Variants in ANKRD6 observed in about 807,000 individuals in gnomAD.
ANKRD6 encodes ankyrin repeat domain-containing protein 6.
In ANKRD6, 56 loss-of-function variants were observed where a neutral mutation model predicts 82.3. The observed-to-expected ratio is 0.68, with a 90% CI of 0.55 to 0.85. The LOEUF is 0.85. ANKRD6 is among the 40% of genes least tolerant of loss of function. The pLI is 0.00. For missense variants in ANKRD6, 852 were observed against 907.6 expected (o/e 0.94, Z 0.79); for synonymous variants, 347 against 352.1 (o/e 0.99, Z 0.16).
intron 3 of ANKRD6, among the ~76,000 whole-genome samples, chr6:89,597,445 A>G (rs1796159217): frequency 6.6e-6 from 1 of 152,228 alleles, no homozygotes; most frequent in African/African-American, 2.4e-5. Context: ...GCATAATTAA[A>G]GGCTTTGCTT....
In ANKRD6 at chr6:89,510,382, GT is replaced by G. The variant is rs558675360; in HGVS notation, c.-143-56438del. 8.7e-3 allele frequency among the ~76,000 whole-genome samples: 1,225 copies of G among 141,122 alleles called. 5 individuals carry two copies. Among genetic ancestry groups the G allele is most frequent in the Non-Finnish European group, 9.2e-3 (587 of 63,792 alleles). 92.6% of individuals were successfully genotyped at this position (141,122 alleles called of 152,430 possible). A position where few individuals can be genotyped will look rare whatever the true frequency, so the allele number is the denominator to read the frequency against. ...GGCCACTTAAAAGTCTTTCCAAATA[GT>G]TTTTTTTTTTTTTAGCCTCATTGGG... On this transcript the variant is annotated intron_variant, in intron 1 of 15. Coordinates refer to ENST00000339746, the MANE Select transcript of ANKRD6 (RefSeq NM_001242809.2).
In ANKRD6 at chr6:89,566,876, G is replaced by A. The variant is rs1439813247; in HGVS notation, c.-101G>A. On this transcript the variant is annotated 5_prime_UTR_variant, in exon 2 of 16. In the 5' UTR this introduces an upstream ATG that the reference lacks. Coordinates refer to ENST00000339746, the MANE Select transcript of ANKRD6 (RefSeq NM_001242809.2). ...TTCATAAAGACATCTTCTGATGATTGTGAACATCTTTACCTCTGGGTGCCA... is the reference window on the plus strand; with the variant it reads ...TTCATAAAGACATCTTCTGATGATTATGAACATCTTTACCTCTGGGTGCCA... The A allele has an allele frequency of 6.2e-6, 9 of 1,457,816 alleles. No homozygotes were observed. Among genetic ancestry groups the A allele is most frequent in the Non-Finnish European group, 7.4e-6 (8 of 1,077,358 alleles). 90.3% of individuals were successfully genotyped at this position (1,457,816 alleles called of 1,614,324 possible).
chr6:89,496,011 C>G (rs1456165232), intron 1 of ANKRD6, among the ~76,000 whole-genome samples: 1 of 151,982 alleles, frequency 6.6e-6, no homozygotes, highest in East Asian at 1.9e-4. Flanking sequence ...ATTCCATGGG[C>G]CCCCAAGAAA....
intron 1 of ANKRD6, among the ~76,000 whole-genome samples, chr6:89,461,204 G>A (rs953827062): frequency 3.3e-5 from 5 of 152,116 alleles, no homozygotes; most frequent in Non-Finnish European, 7.4e-5. Context: ...GTGAGCCACC[G>A]CACCTGGCTT....
At position 89,467,939 on chromosome 6, in the gene ANKRD6, C is replaced by T. The variant is rs527383638; in HGVS notation, c.-144+34564C>T. On this transcript the variant is annotated intron_variant, in intron 1 of 15. Coordinates refer to ENST00000339746, the MANE Select transcript of ANKRD6 (RefSeq NM_001242809.2). ...TTTGAAACTGTACTAGGACTTTAAA[C>T]ACTTTTGGAATTTAAAACAGCCATA... Among the ~76,000 whole-genome samples, 13 of 152,286 alleles carry T rather than the reference C, an allele frequency of 8.5e-5. No homozygotes were observed. The South Asian group carries it at 2.3e-3, about 27-fold the overall frequency.
intron 7 of ANKRD6, among the ~76,000 whole-genome samples, chr6:89,616,168 C>T (rs1436973837): frequency 6.6e-6 from 1 of 152,216 alleles, no homozygotes; most frequent in African/African-American, 2.4e-5. Context: ...AGTTTTCTGA[C>T]CTCTGACCTC....
At chr6:89,582,796 T>C (rs1456516381) in intron 2 of ANKRD6, among the ~76,000 whole-genome samples, 1 of 152,222 alleles carries the variant, frequency 6.6e-6, no homozygotes, top group Non-Finnish European at 1.5e-5. Flanking sequence ...CCTTGAGCCT[T>C]CATTTCCTGT....
chr6:89,604,695 G>A (rs954345465), intron 4 of ANKRD6, among the ~76,000 whole-genome samples: 2 of 151,942 alleles, frequency 1.3e-5, no homozygotes, highest in Non-Finnish European at 2.9e-5. Context: ...TTGCATCCCC[G>A]CTTTCCTTTG....
intron 1 of ANKRD6, among the ~76,000 whole-genome samples, chr6:89,463,523 A>T (rs1774462820): frequency 6.6e-6 from 1 of 152,216 alleles, no homozygotes; most frequent in African/African-American, 2.4e-5. Context: ...TTATATTTTA[A>T]CACAGTATTT....
intron 12 of ANKRD6, 129 bp from the exon 13 acceptor site, chr6:89,624,410 G>T: frequency 1.6e-6 from 2 of 1,226,806 alleles, no homozygotes; most frequent in Non-Finnish European, 2.2e-6. Context: ...CCAAAGTTAT[G>T]ACAAGGATGA....
chr6:89,446,944 T>C (rs920024737), intron 1 of ANKRD6, among the ~76,000 whole-genome samples: 3 of 152,178 alleles, frequency 2.0e-5, no homozygotes, highest in Non-Finnish European at 4.4e-5. Context: ...TCTTCTGCCA[T>C]GATTGTGAGT....
chr6:89,454,128 G>A (rs181461033), intron 1 of ANKRD6, among the ~76,000 whole-genome samples: 7 of 152,208 alleles, frequency 4.6e-5, no homozygotes, highest in Non-Finnish European at 8.8e-5. Flanking sequence ...CGAAGTTTTT[G>A]CTGGTGTCAT....
intron 1 of ANKRD6, among the ~76,000 whole-genome samples, chr6:89,445,634 C>T (rs1771976960): frequency 6.6e-6 from 1 of 152,116 alleles, no homozygotes; most frequent in Non-Finnish European, 1.5e-5. Context: ...TTAGTAGAGA[C>T]TGGGTTTCAC....
At chr6:89,516,128 T>G (rs1781182058) in intron 1 of ANKRD6, among the ~76,000 whole-genome samples, 1 of 152,200 alleles carries the variant, frequency 6.6e-6, no homozygotes, top group Admixed American at 6.5e-5. Context: ...AGATACCTGG[T>G]TAAACATTAT....
chr6:89,486,843 C>T (rs990634789), intron 1 of ANKRD6, among the ~76,000 whole-genome samples: 3 of 152,166 alleles, frequency 2.0e-5, no homozygotes, highest in African/African-American at 7.2e-5. Flanking sequence ...AGCAAGCTCT[C>T]TTGTTATCTC....
At chr6:89,578,779 C>T (rs75730083) in intron 2 of ANKRD6, among the ~76,000 whole-genome samples, 9 of 152,290 alleles carry the variant, frequency 5.9e-5, no homozygotes, top group Admixed American at 2.6e-4. Context: ...GTGCTCTTAT[C>T]GCTGAGATAC....
intron 5 of ANKRD6, 59 bp downstream of exon 5, chr6:89,606,164 TC>T: frequency 7.3e-7 from 1 of 1,375,006 alleles, no homozygotes. Flanking sequence ...TGTGGGTTTC[TC>T]CCCCTGTGGG....
intron 1 of ANKRD6, among the ~76,000 whole-genome samples, chr6:89,537,923 G>A (rs1182445109): frequency 2.0e-5 from 3 of 148,694 alleles, no homozygotes; most frequent in Non-Finnish European, 4.5e-5. Context: ...GGCAAGAATA[G>A]TATTATATAA....
rs1792890644 is a variant in ANKRD6, at chr6:89,582,916, C to T, written c.121-13000C>T. On this transcript the variant is annotated intron_variant, in intron 2 of 15. Transcript: ENST00000339746. ...TGTAATTAAGGATGTAGAAAGAGCT[C>T]AACGGATGGGAGTTGCTATTATCAT... 2.6e-5 allele frequency among the ~76,000 whole-genome samples: 4 copies of T among 152,328 alleles called. No individual in the cohort carries two copies. In the South Asian group the frequency reaches 8.3e-4, roughly 32 times the overall value.
Sources: gnomAD v4.1 joint callset for allele counts (sites outside exome capture counted in the v4.1 genomes callset) on GRCh38, gnomAD v4.1.1 for gene constraint, MANE v1.5 for transcripts, NCBI Gene and HGNC (gene_info 2026-07-23, HGNC 2026-07-21) for gene names.